Variants in CAPN8 observed in about 807,000 individuals in gnomAD.
CAPN8 encodes the protein calpain-8.
A neutral mutation model predicts 80.9 loss-of-function variants in CAPN8; 87 were observed. The ratio of observed to expected loss-of-function variants is 1.07; its 90% CI spans 0.90 to 1.28. The LOEUF (loss-of-function observed/expected upper bound fraction) is 1.28, where lower values mean the gene tolerates loss of function less well. Ranked by LOEUF, CAPN8 falls within the 50% of genes most tolerant of loss-of-function variation. CAPN8 has a pLI of 0.00. For missense variants in CAPN8, 757 were observed against 702.0 expected (o/e 1.08, Z -0.89); for synonymous variants, 299 against 273.8 (o/e 1.09, Z -0.91).
At chr1:223,543,954 T>G in intron 19 of CAPN8, 113 bp downstream of exon 19, 1 of 630,918 alleles carries the variant, frequency 1.6e-6, no homozygotes, top group Non-Finnish European at 2.9e-6. Context: ...TCTATCATTT[T>G]CTGGGTCCCT....
At chr1:223,629,020 A>G in intron 2 of CAPN8, 1 of 501,000 alleles carries the variant, frequency 2.0e-6, no homozygotes, top group South Asian at 2.7e-5. Flanking sequence ...CCTCCCCCAC[A>G]TGCTGATCAT....
intron 2 of CAPN8, among the ~76,000 whole-genome samples, chr1:223,652,151 C>T (rs1473826354): frequency 2.0e-5 from 3 of 152,056 alleles, no homozygotes; most frequent in South Asian, 2.1e-4. Context: ...CCAGCCTGGA[C>T]GACATGGCAA....
intron 16 of CAPN8, among the ~76,000 whole-genome samples, chr1:223,545,906 C>A (rs915850240): frequency 7.5e-5 from 11 of 147,362 alleles, no homozygotes; most frequent in African/African-American, 2.8e-4. Context: ...TCACTACAAC[C>A]ACTGCCTCCA....
chr1:223,615,492 G>T (rs572588910), intron 10 of CAPN8, among the ~76,000 whole-genome samples: 1 of 152,188 alleles, frequency 6.6e-6, no homozygotes, highest in Non-Finnish European at 1.5e-5. Flanking sequence ...AAATGGGCAC[G>T]TGGTTTCCAT....
intron 5 of CAPN8, 38 bp from the exon 6 acceptor site, chr1:223,625,926 G>A (rs2102711783): frequency 6.6e-7 from 1 of 1,504,034 alleles, no homozygotes; most frequent in African/African-American, 1.4e-5. Context: ...GGCTGACCCT[G>A]ACCTCTCAGG....
At chr1:223,609,687 C>G (rs1381336326) in intron 11 of CAPN8, among the ~76,000 whole-genome samples, 4 of 152,188 alleles carry the variant, frequency 2.6e-5, no homozygotes, top group Non-Finnish European at 5.9e-5. Context: ...CCTCTCTAAT[C>G]CAATAGGCTC....
intron 2 of CAPN8, among the ~76,000 whole-genome samples, chr1:223,642,380 T>G (rs2102725928): frequency 6.6e-6 from 1 of 152,314 alleles, no homozygotes; most frequent in East Asian, 1.9e-4. Context: ...CTACATATAA[T>G]AAGGCACACT....
rs1350454243 is a variant in CAPN8, at chr1:223,628,708, C to T, written c.380G>A (p.Arg127Lys). ...ATAGTTCTCCTGGAAGTCCTGGTCCCTGGGGACCACCCGGTAAAGCAGCTC... is the reference window on the plus strand; with the variant it reads ...ATAGTTCTCCTGGAAGTCCTGGTCCTTGGGGACCACCCGGTAAAGCAGCTC... Reference protein sequence around the residue: ...NEELLYRVVPRDQDFQENYAG... With the variant: ...NEELLYRVVPKDQDFQENYAG... The change falls in exon 3 of 21, where the codon AGG becomes AAG. Residue 127 changes from arginine to lysine, a missense_variant. Arg to Lys is a conservative substitution (Grantham distance 26). Coordinates refer to ENST00000366872, the MANE Select transcript of CAPN8 (RefSeq NM_001143962.2). The T allele has an allele frequency of 2.6e-6, 4 of 1,551,868 alleles. No individual in the cohort carries two copies. Among genetic ancestry groups the T allele is most frequent in the South Asian group, 2.4e-5 (2 of 84,072 alleles).
intron 1 of CAPN8, among the ~76,000 whole-genome samples, chr1:223,661,263 T>G (rs148751235): frequency 7.2e-5 from 11 of 151,982 alleles, no homozygotes; most frequent in African/African-American, 2.7e-4. Context: ...TCACCATCAC[T>G]GATCTTTGGG....
At chr1:223,621,777 C>G (rs1657400550) in intron 7 of CAPN8, among the ~76,000 whole-genome samples, 1 of 152,028 alleles carries the variant, frequency 6.6e-6, no homozygotes, top group Non-Finnish European at 1.5e-5. Context: ...ACCGACAGCA[C>G]TTGAGGATTA....
chr1:223,614,812 G>A (rs1418078847), intron 10 of CAPN8, among the ~76,000 whole-genome samples: 1 of 152,208 alleles, frequency 6.6e-6, no homozygotes, highest in Non-Finnish European at 1.5e-5. Context: ...CATACACTAA[G>A]TGCCTACTCA....
chr1:223,654,308 AAG>A lies in CAPN8; in HGVS notation c.307+20_307+21del, dbSNP rs1658420252. 6.4e-7 allele frequency: 1 copy of A among 1,550,426 alleles called. No individual in the cohort carries two copies. The highest frequency in any genetic ancestry group is 8.7e-7 in the Non-Finnish European group (1 of 1,146,074). The stretch of plus-strand genomic sequence containing the variant: ...ACACCCGCCCTCTCCCAAAACAAAT[AAG>A]ACTCTCCCCAGTTACTCACCTAGAC... On this transcript the variant is annotated intron_variant, in intron 2 of 20. Coordinates refer to ENST00000366872, the MANE Select transcript of CAPN8 (RefSeq NM_001143962.2).
chr1:223,625,159 G>T (rs945119740), intron 6 of CAPN8, among the ~76,000 whole-genome samples: 2 of 152,172 alleles, frequency 1.3e-5, no homozygotes, highest in Non-Finnish European at 2.9e-5. Flanking sequence ...CCTCGGGTTG[G>T]AGAGTGAGGA....
At chr1:223,614,410 A>T (rs1262588645) in intron 10 of CAPN8, among the ~76,000 whole-genome samples, 1 of 152,048 alleles carries the variant, frequency 6.6e-6, no homozygotes, top group African/African-American at 2.4e-5. Flanking sequence ...AAAAAAAAAA[A>T]AAAGGTAGGC....
In CAPN8 at chr1:223,544,094, A is replaced by C; in HGVS notation, c.2002T>G (p.Cys668Gly). The change falls in exon 19 of 21, where the codon TGT (cysteine) becomes GGT (glycine). Residue 668 changes from cysteine (C) to glycine (G), a missense_variant. By Grantham distance (159) the Cys-to-Gly change is radical. Coordinates refer to ENST00000366872, the MANE Select transcript of CAPN8 (RefSeq NM_001143962.2). Reference sequence around the variant, plus strand: ...AAGAGGGTCTCCAGGCGGATCATACAAGCCACGAAGCTGTCAAAGTTGATG... The same window carrying C: ...AAGAGGGTCTCCAGGCGGATCATACCAGCCACGAAGCTGTCAAAGTTGATG... ...LGINFDSFVA[C>G]MIRLETLFKL... 1 of 718,328 alleles carries C rather than the reference A, an allele frequency of 1.4e-6. No individual in the cohort carries two copies. The highest frequency in any genetic ancestry group is 2.7e-5 in the East Asian group (1 of 37,288). 44.5% of individuals were successfully genotyped at this position (718,328 alleles called of 1,614,324 possible).
chr1:223,656,668 GTTTTTTTGTTTTGTTTTTT>G lies in CAPN8; in HGVS notation c.238-2288_238-2270del, dbSNP rs1406464699. Among the ~76,000 whole-genome samples the G allele has an allele frequency of 5.5e-4, 52 of 94,820 alleles. 4 individuals carry two copies. In the South Asian group the frequency reaches 0.02, roughly 36 times the overall value. The allele number at this position is 94,820 out of a possible 152,430, so 62.2% of individuals were successfully genotyped here. ...ATTTATGTACATACACACGTTTTGGGTTTTTTTGTTTTGTTTTTTTTTTTTTTTTTTTTGAGACGGGGTC... is the reference window on the plus strand; with the variant it reads ...ATTTATGTACATACACACGTTTTGGGTTTTTTTTTTTTTTGAGACGGGGTC... On this transcript the variant is annotated intron_variant, in intron 1 of 20. Transcript: ENST00000366872.
rs760555087 is a variant in CAPN8, at chr1:223,544,140, C to A, written c.1956G>T (p.Arg652=). 18 of 718,338 alleles carry A rather than the reference C, an allele frequency of 2.5e-5. No individual in the cohort carries two copies. The South Asian group carries it at 2.5e-4, about 10-fold the overall frequency. The allele number at this position is 718,338 out of a possible 1,614,324, so 44.5% of individuals were successfully genotyped here. ...NSQVQQTIAL[R]YACSKLGINF... The stretch of plus-strand genomic sequence containing the variant: ...TGATGCCAAGCTTGCTGCACGCATA[C>A]CGCAGGGCAATGGTCTGCTGCACCT... The change falls in exon 19 of 21, where the codon CGG becomes CGT. Residue 652 remains arginine, a synonymous_variant. Transcript: ENST00000366872.
chr1:223,629,232 T>TGTGTGTGTGTATG lies in CAPN8; in HGVS notation c.308-453_308-452insCATACACACACAC, dbSNP rs68132305. ...TGTGTGTGTGTGTGTGTGTGTGTGT[T>TGTGTGTGTGTATG]TATGTTCCTTGCCCCTCCTGACCTT... On this transcript the variant is annotated intron_variant, in intron 2 of 20. Coordinates refer to ENST00000366872, the MANE Select transcript of CAPN8 (RefSeq NM_001143962.2). Among the ~76,000 whole-genome samples, 1,322 of 132,598 alleles carry TGTGTGTGTGTATG rather than the reference T, an allele frequency of 1.0e-2. 10 individuals carry two copies. Among genetic ancestry groups the TGTGTGTGTGTATG allele is most frequent in the African/African-American group, 0.014 (475 of 34,576 alleles). The allele number at this position is 132,598 out of a possible 152,430, so 87.0% of individuals were successfully genotyped here.
At chr1:223,657,352 A>G (rs977195530) in intron 1 of CAPN8, among the ~76,000 whole-genome samples, 4 of 152,172 alleles carry the variant, frequency 2.6e-5, no homozygotes, top group Admixed American at 2.0e-4. Flanking sequence ...AAAGAGAAAA[A>G]AATTTTAATT....
Sources: allele counts gnomAD v4.1 joint callset (sites outside exome capture counted in the v4.1 genomes callset), GRCh38; gene constraint gnomAD v4.1.1; transcripts MANE v1.5; gene names NCBI Gene and HGNC (gene_info 2026-07-23, HGNC 2026-07-21).